PTPRF: variants seen among roughly 807,000 people sequenced by gnomAD.
The protein encoded by PTPRF is receptor-type tyrosine-protein phosphatase F.
Under a neutral mutation model 201.8 loss-of-function variants are expected in PTPRF, and 59 were observed. The observed-to-expected ratio is 0.29, with a 90% CI of 0.24 to 0.36. The LOEUF (loss-of-function observed/expected upper bound fraction) is 0.36, where lower values mean the gene tolerates loss of function less well. Among genes scored for constraint, PTPRF ranks in the 10% least tolerant of loss-of-function variants. The probability of loss-of-function intolerance (pLI) is 1.00; values close to 1 mark genes in which losing one functional copy is unlikely to be tolerated. For missense variants in PTPRF, 2,132 were observed against 2,690.5 expected (o/e 0.79, Z 4.59); for synonymous variants, 1,088 against 1,089.7 (o/e 1.00, Z 0.03).
intron 26 of PTPRF, 138 bp from the exon 27 acceptor site, chr1:43,618,910 A>C (rs1252900921): frequency 1.8e-5 from 26 of 1,439,138 alleles, no homozygotes; most frequent in Non-Finnish European, 2.4e-5. Flanking sequence ...GAACAGTGCT[A>C]GGAGCTTCAG....
intron 21 of PTPRF, among the ~76,000 whole-genome samples, chr1:43,608,284 C>G (rs1160613761): frequency 6.6e-6 from 1 of 152,196 alleles, no homozygotes; most frequent in Non-Finnish European, 1.5e-5. Context: ...AAACTGTGAC[C>G]GTTCCTTTCT....
Position 43,614,817 on chromosome 1 carries a change from G to A in PTPRF, c.4071+1102G>A, listed in dbSNP as rs760288266. Among the ~76,000 whole-genome samples, 67 of 151,968 alleles carry A rather than the reference G, an allele frequency of 4.4e-4. 3 individuals carry two copies. The highest frequency in any genetic ancestry group is 1.3e-4 in the Admixed American group (2 of 15,274). On this transcript the variant is annotated intron_variant, in intron 23 of 33. Coordinates refer to ENST00000359947, the MANE Select transcript of PTPRF (RefSeq NM_002840.5). ...CGTTGAGCCAAGGTCATGCCATTGCGCTCCAGCCTGGGTGACAGAGTGAGA... is the reference window on the plus strand; with the variant it reads ...CGTTGAGCCAAGGTCATGCCATTGCACTCCAGCCTGGGTGACAGAGTGAGA...
chr1:43,543,888 C>T (rs192918339), intron 2 of PTPRF, among the ~76,000 whole-genome samples: 2 of 152,368 alleles, frequency 1.3e-5, no homozygotes, highest in East Asian at 3.9e-4. Context: ...CGTCTCACCC[C>T]TCTGCCCAGA....
chr1:43,606,114 G>A lies in PTPRF; in HGVS notation c.3484-126G>A, dbSNP rs1210490148. On this transcript the variant is annotated intron_variant, in intron 19 of 33. Coordinates refer to ENST00000359947, the MANE Select transcript of PTPRF (RefSeq NM_002840.5). ...TCTGTAGGGGCAGTGGGTTGGGCAG[G>A]TGTGGGCTCTGACACGGAAGGTGAG... 1.7e-5 allele frequency: 17 copies of A among 1,029,194 alleles called. No homozygotes were observed. The South Asian group carries it at 2.0e-4, about 12-fold the overall frequency. 63.8% of individuals were successfully genotyped at this position (1,029,194 alleles called of 1,614,324 possible).
intron 5 of PTPRF, among the ~76,000 whole-genome samples, chr1:43,567,944 C>T (rs1646296335): frequency 6.6e-6 from 1 of 152,166 alleles, no homozygotes. Flanking sequence ...CCCCTTGCCC[C>T]ACATTGGGTG....
chr1:43,601,303 T>C (rs1451597103), intron 13 of PTPRF, among the ~76,000 whole-genome samples: 1 of 152,218 alleles, frequency 6.6e-6, no homozygotes, highest in Non-Finnish European at 1.5e-5. Context: ...AATATCTACA[T>C]GCACCAAAGG....
rs1172989176 is a variant in PTPRF, at chr1:43,622,885, CAAAA to C, written c.*885_*888del. The C allele has an allele frequency of 3.3e-5, 5 of 151,476 alleles. No homozygotes were observed. Among genetic ancestry groups the C allele is most frequent in the African/African-American group, 7.3e-5 (3 of 41,106 alleles). 9.4% of individuals were successfully genotyped at this position (151,476 alleles called of 1,614,324 possible). Reference sequence around the variant, plus strand: ...CCACAAAAATAAAAAACAAAAAAAACAAAAAACCCAAGAAAAAAAAAAAGAGTCA... The same window carrying C: ...CCACAAAAATAAAAAACAAAAAAAACAACCCAAGAAAAAAAAAAAGAGTCA... On this transcript the variant is annotated 3_prime_UTR_variant, in exon 34 of 34. Coordinates refer to ENST00000359947, the MANE Select transcript of PTPRF (RefSeq NM_002840.5).
chr1:43,605,733 ATC>A (rs1200061999), intron 19 of PTPRF, 111 bp downstream of exon 19: 25 of 1,073,934 alleles, frequency 2.3e-5, no homozygotes, highest in Non-Finnish European at 3.2e-5. Context: ...CCAAATTGAA[ATC>A]TCTCTTCTGG....
At chr1:43,578,748 A>ACCGT in intron 6 of PTPRF, 62 bp from the exon 7 acceptor site, 1 of 1,269,580 alleles carries the variant, frequency 7.9e-7, no homozygotes, top group Non-Finnish European at 1.1e-6. Context: ...GAGACCTCTC[A>ACCGT]CCGTGTTCCA....
chr1:43,588,659 AG>A lies in PTPRF; in HGVS notation c.680-68del, dbSNP rs1649806254. 8.9e-6 allele frequency: 14 copies of A among 1,565,026 alleles called. No homozygotes were observed. The South Asian group carries it at 1.7e-4, about 18-fold the overall frequency. ...TCTGACCAGAGGGGCTTCCTGAATG[AG>A]GGGCCCCTGCCCTTCCATGCAGTCG... On this transcript the variant is annotated intron_variant, in intron 7 of 33. Coordinates refer to ENST00000359947, the MANE Select transcript of PTPRF (RefSeq NM_002840.5). The surrounding 1 kb of genome is among the most constrained non-coding windows in gnomAD (Gnocchi z 5.3).
chr1:43,574,652 A>G (rs1646804803), intron 6 of PTPRF, among the ~76,000 whole-genome samples: 2 of 152,238 alleles, frequency 1.3e-5, no homozygotes, highest in African/African-American at 2.4e-5. Flanking sequence ...TTATGAAAAC[A>G]GTTTTGACCT....
chr1:43,616,486 A>T (rs977121325), intron 23 of PTPRF, among the ~76,000 whole-genome samples: 1 of 151,678 alleles, frequency 6.6e-6, no homozygotes, highest in Non-Finnish European at 1.5e-5. Flanking sequence ...CTGAGCCTCA[A>T]TTGGGGTGGC....
At chr1:43,581,149 G>A (rs907421235) in intron 7 of PTPRF, among the ~76,000 whole-genome samples, 6 of 152,210 alleles carry the variant, frequency 3.9e-5, no homozygotes, top group African/African-American at 1.2e-4. Context: ...TGTCTGTGGG[G>A]CTCCCTGTTT....
chr1:43,604,813 T>A, intron 16 of PTPRF, 90 bp from the exon 17 acceptor site: 1 of 1,086,150 alleles, frequency 9.2e-7, no homozygotes, highest in Middle Eastern at 2.0e-4. Context: ...CCAACCAGTG[T>A]CTCATCCTGG....
chr1:43,550,722 T>G lies in PTPRF; in HGVS notation c.92-2770T>G, dbSNP rs1219307168. ...TAAACTGTGAGTGAAAGTTATAAGC[T>G]CGGCAGGTAGGTAATAAGCTAGGAG... On this transcript the variant is annotated intron_variant, in intron 3 of 33. Coordinates refer to ENST00000359947, the MANE Select transcript of PTPRF (RefSeq NM_002840.5). Among the ~76,000 whole-genome samples the G allele has an allele frequency of 2.6e-5, 4 of 152,212 alleles. No homozygotes were observed. In the East Asian group the frequency reaches 7.7e-4, roughly 29 times the overall value.
chr1:43,592,650 C>A, intron 11 of PTPRF, 49 bp downstream of exon 11: 1 of 1,529,024 alleles, frequency 6.5e-7, no homozygotes, highest in Non-Finnish European at 8.8e-7. Flanking sequence ...CTGGGACACA[C>A]ACACACACAT....
At chr1:43,620,810 A>G (rs747752476) in intron 31 of PTPRF, 28 bp from the exon 32 acceptor site, 2 of 1,597,878 alleles carry the variant, frequency 1.3e-6, no homozygotes, top group Admixed American at 3.4e-5. Flanking sequence ...CACGAATTCT[A>G]ATCATGTACC....
intron 23 of PTPRF, among the ~76,000 whole-genome samples, chr1:43,614,342 C>T (rs964423545): frequency 6.6e-6 from 1 of 152,174 alleles, no homozygotes; most frequent in Admixed American, 6.5e-5. Flanking sequence ...CACGGGGAGT[C>T]GGGGCCTCGA....
At position 43,588,905 on chromosome 1, in the gene PTPRF, T is replaced by TGGAGCTCAGG; in HGVS notation, c.863_864insGGGAGCTCAG (p.Ser288ArgfsTer40). 6.2e-7 allele frequency: 1 copy of TGGAGCTCAGG among 1,613,440 alleles called. No homozygotes were observed. Among genetic ancestry groups the TGGAGCTCAGG allele is most frequent in the Non-Finnish European group, 8.5e-7 (1 of 1,179,538 alleles). On this transcript the variant is annotated frameshift_variant, in exon 8 of 34. Coordinates refer to ENST00000359947, the MANE Select transcript of PTPRF (RefSeq NM_002840.5). LOFTEE classifies it high-confidence loss of function. The surrounding 1 kb of genome is among the most constrained non-coding windows in gnomAD (Gnocchi z 5.3). ...GAGATGCCAGTTGGCCGCAACGTCC[T>TGGAGCTCAGG]GGAGCTCAGCAATGTCGTACGCTCT...
Sources: allele counts gnomAD v4.1 joint callset (sites outside exome capture counted in the v4.1 genomes callset), GRCh38; gene constraint gnomAD v4.1.1; non-coding constraint Gnocchi (gnomAD v3.1); transcripts MANE v1.5; gene names NCBI Gene and HGNC (gene_info 2026-07-23, HGNC 2026-07-21).